The following TMEM132C variants were observed in gnomAD, a reference collection of about 807,000 sequenced individuals.
TMEM132C encodes the protein protein phosphatase 1, regulatory subunit 152.
Under a neutral mutation model 61.4 loss-of-function variants are expected in TMEM132C, and 29 were observed. The observed-to-expected ratio is 0.47, with a 90% CI of 0.35 to 0.64. TMEM132C has a LOEUF of 0.64. Among genes scored for constraint, TMEM132C ranks in the 30% least tolerant of loss-of-function variants. The pLI is 0.00. For synonymous variants in TMEM132C, 656 were observed against 633.1 expected, an observed-to-expected ratio of 1.04 and a Z score of -0.54; for missense variants, 1,408 against 1,476.9, an observed-to-expected ratio of 0.95 and a Z score of 0.76.
chr12:128,625,655 A>G (rs1359317843), intron 4 of TMEM132C, among the ~76,000 whole-genome samples: 2 of 152,200 alleles, frequency 1.3e-5, no homozygotes, highest in African/African-American at 4.8e-5. Context: ...TGAGAACAGC[A>G]TAGGGGAAAC....
At chr12:128,383,937 A>G (rs1473026723) in intron 1 of TMEM132C, among the ~76,000 whole-genome samples, 2 of 152,226 alleles carry the variant, frequency 1.3e-5, no homozygotes, top group Non-Finnish European at 2.9e-5. Flanking sequence ...AGAGAACTGC[A>G]TCTGTTTAGC....
intron 3 of TMEM132C, among the ~76,000 whole-genome samples, chr12:128,567,892 C>T (rs965327836): frequency 3.3e-5 from 5 of 152,218 alleles, no homozygotes; most frequent in African/African-American, 4.8e-5. Flanking sequence ...TGTGCTGATT[C>T]GATTTGCTAA....
chr12:128,689,907 C>T lies in TMEM132C; in HGVS notation c.1450-3922C>T, dbSNP rs192598789. Among the ~76,000 whole-genome samples, 9 of 152,286 alleles carry T rather than the reference C, an allele frequency of 5.9e-5. No individual in the cohort carries two copies. In the East Asian group the frequency reaches 1.2e-3, roughly 20 times the overall value. ...ATGCCAACAGGCCCTCCCTGAGGCT[C>T]GCTCAAGTCTGAGAACCAGTTTGGC... is the stretch of plus-strand genomic sequence containing the variant. On this transcript the variant is annotated intron_variant, in intron 5 of 8. Transcript: ENST00000435159.
At chr12:128,424,517 C>A (rs558321703) in intron 2 of TMEM132C, among the ~76,000 whole-genome samples, 168 of 151,016 alleles carry the variant, frequency 1.1e-3, no homozygotes, top group African/African-American at 3.3e-3. Context: ...TATGCAATGC[C>A]TAAAATAGGC....
chr12:128,410,590 G>A (rs376154200), intron 1 of TMEM132C, among the ~76,000 whole-genome samples: 3 of 152,000 alleles, frequency 2.0e-5, no homozygotes, highest in Non-Finnish European at 1.5e-5. Flanking sequence ...ATTTTTAGTA[G>A]AGACGGGGTT....
chr12:128,347,393 G>GTCTCTCTC lies in TMEM132C; in HGVS notation c.86-67338_86-67337insCTCTCTCT, dbSNP rs1330764900. Reference sequence around the variant, plus strand: ...ATTATGCTGCCATAAGCATGCATATGTATGTCTCTCTCTCTCTCTCTCTCT... The same window carrying GTCTCTCTC: ...ATTATGCTGCCATAAGCATGCATATGTCTCTCTCTATGTCTCTCTCTCTCTCTCTCTCT... On this transcript the variant is annotated intron_variant, in intron 1 of 8. Coordinates refer to ENST00000435159, the MANE Select transcript of TMEM132C (RefSeq NM_001136103.3). 1.2e-3 allele frequency among the ~76,000 whole-genome samples: 140 copies of GTCTCTCTC among 116,730 alleles called. 1 individual carries two copies. Among genetic ancestry groups the GTCTCTCTC allele is most frequent in the African/African-American group, 5.6e-3 (130 of 23,094 alleles). The allele number at this position is 116,730 out of a possible 152,430, so 76.6% of individuals were successfully genotyped here. A position where few individuals can be genotyped will look rare whatever the true frequency, so the allele number is the denominator to read the frequency against.
chr12:128,663,931 C>T (rs1452755117), intron 4 of TMEM132C, among the ~76,000 whole-genome samples: 3 of 138,518 alleles, frequency 2.2e-5, no homozygotes, highest in Admixed American at 7.3e-5. Context: ...CCTGCACGCA[C>T]GCGGACACTC....
At chr12:128,593,512 G>A (rs149593183) in intron 3 of TMEM132C, among the ~76,000 whole-genome samples, 38 of 152,328 alleles carry the variant, frequency 2.5e-4, no homozygotes, top group African/African-American at 8.2e-4. Context: ...TGGAGCTCAG[G>A]CTTTGACCTG....
At chr12:128,272,714 G>A (rs998202557) in intron 1 of TMEM132C, among the ~76,000 whole-genome samples, 1 of 152,154 alleles carries the variant, frequency 6.6e-6, no homozygotes, top group Non-Finnish European at 1.5e-5. Flanking sequence ...TCTGATAGGT[G>A]TATAATAGGC....
At chr12:128,402,242 C>G (rs1464490555) in intron 1 of TMEM132C, among the ~76,000 whole-genome samples, 1 of 152,092 alleles carries the variant, frequency 6.6e-6, no homozygotes, top group Non-Finnish European at 1.5e-5. Flanking sequence ...TTTGTTTTAG[C>G]TTTTATTTTA....
At chr12:128,678,164 C>G (rs1254262975) in intron 5 of TMEM132C, among the ~76,000 whole-genome samples, 1 of 152,144 alleles carries the variant, frequency 6.6e-6, no homozygotes, top group Non-Finnish European at 1.5e-5. Flanking sequence ...TCTATTTGTT[C>G]TTGTCATGGC....
intron 2 of TMEM132C, among the ~76,000 whole-genome samples, chr12:128,473,487 T>TCTCTTCATCCTCACTGCAGCCTCC (rs1871046893): frequency 7.3e-6 from 1 of 136,106 alleles, no homozygotes; most frequent in African/African-American, 2.7e-5. Context: ...CTCCAGCTTC[T>TCTCTTCATCCTCACTGCAGCCTCC]ATCTTCATCC....
intron 2 of TMEM132C, among the ~76,000 whole-genome samples, chr12:128,430,759 A>T (rs1869355794): frequency 6.6e-6 from 1 of 152,138 alleles, no homozygotes; most frequent in African/African-American, 2.4e-5. Flanking sequence ...GTGATCTGTG[A>T]TGTTACTATT....
chr12:128,397,183 C>T (rs545231096), intron 1 of TMEM132C, among the ~76,000 whole-genome samples: 10 of 152,284 alleles, frequency 6.6e-5, no homozygotes, highest in East Asian at 3.9e-4. Flanking sequence ...CACTCCCCCA[C>T]GGGTAGAAGG....
chr12:128,292,377 A>G (rs1475402178), intron 1 of TMEM132C, among the ~76,000 whole-genome samples: 1 of 152,172 alleles, frequency 6.6e-6, no homozygotes, highest in Non-Finnish European at 1.5e-5. Flanking sequence ...TGTTTTTGAC[A>G]ATCCCTGCCC....
At chr12:128,484,649 G>A (rs1871426891) in intron 2 of TMEM132C, among the ~76,000 whole-genome samples, 1 of 152,118 alleles carries the variant, frequency 6.6e-6, no homozygotes, top group Non-Finnish European at 1.5e-5. Context: ...AGGAAGAAGA[G>A]TTCAGTTGAA....
intron 4 of TMEM132C, among the ~76,000 whole-genome samples, chr12:128,633,556 C>G (rs1954079027): frequency 6.6e-6 from 1 of 152,054 alleles, no homozygotes; most frequent in Non-Finnish European, 1.5e-5. Context: ...ATAGATGCAA[C>G]CTACGCCAGT....
chr12:128,358,046 G>C (rs1873575399), intron 1 of TMEM132C, among the ~76,000 whole-genome samples: 1 of 152,100 alleles, frequency 6.6e-6, no homozygotes, highest in Non-Finnish European at 1.5e-5. Context: ...CCTGCATTGA[G>C]TCATTCAATC....
At chr12:128,458,276 A>C (rs1870414792) in intron 2 of TMEM132C, among the ~76,000 whole-genome samples, 1 of 111,234 alleles carries the variant, frequency 9.0e-6, no homozygotes, top group Non-Finnish European at 1.8e-5. Flanking sequence ...ATATAATTAT[A>C]ATATTTAGTA....
Sources: gnomAD v4.1 joint callset for allele counts (sites outside exome capture counted in the v4.1 genomes callset) on GRCh38, gnomAD v4.1.1 for gene constraint, MANE v1.5 for transcripts, NCBI Gene and HGNC (gene_info 2026-07-23, HGNC 2026-07-21) for gene names.